Variants in STK31 observed in about 807,000 individuals in gnomAD.
STK31 encodes the protein serine/threonine-protein kinase 31.
In STK31, 89 loss-of-function variants were observed where a neutral mutation model predicts 129.7. The ratio of observed to expected loss-of-function variants is 0.69; its 90% CI spans 0.58 to 0.82. STK31 has a LOEUF of 0.82. Ranked by LOEUF, STK31 falls within the 40% of genes least tolerant of loss-of-function variation. The pLI is 0.00. For missense variants in STK31, 1,187 were observed against 1,176.4 expected (o/e 1.01, Z -0.13); for synonymous variants, 448 against 395.3 (o/e 1.13, Z -1.58).
intron 22 of STK31, among the ~76,000 whole-genome samples, chr7:23,795,028 GC>G (rs1791868405): frequency 1.3e-5 from 2 of 152,234 alleles, no homozygotes; most frequent in Non-Finnish European, 2.9e-5. Flanking sequence ...AGAAACTCAA[GC>G]CAGCTGCAGG....
chr7:23,813,418 C>A (rs1183211577), intron 22 of STK31, among the ~76,000 whole-genome samples: 19 of 151,936 alleles, frequency 1.3e-4, no homozygotes, highest in Non-Finnish European at 1.3e-4. Context: ...TTGTGGTTTT[C>A]CTGGTACTTT....
intron 23 of STK31, among the ~76,000 whole-genome samples, chr7:23,824,921 A>C (rs1794032270): frequency 6.6e-6 from 1 of 151,978 alleles, no homozygotes. Context: ...CATATGTTGA[A>C]CCAGCCTTGC....
At chr7:23,823,550 T>A (rs1490234413) in intron 23 of STK31, among the ~76,000 whole-genome samples, 1 of 152,132 alleles carries the variant, frequency 6.6e-6, no homozygotes, top group Non-Finnish European at 1.5e-5. Flanking sequence ...TGTAGGTTGC[T>A]TGTTCACTCT....
intron 8 of STK31, among the ~76,000 whole-genome samples, chr7:23,741,232 C>G (rs1040103807): frequency 6.6e-6 from 1 of 152,096 alleles, no homozygotes; most frequent in Non-Finnish European, 1.5e-5. Flanking sequence ...TACCCTAATC[C>G]TGGAAAAGTT....
intron 3 of STK31, among the ~76,000 whole-genome samples, chr7:23,713,545 C>G (rs1195107273): frequency 6.6e-6 from 1 of 152,164 alleles, no homozygotes; most frequent in Non-Finnish European, 1.5e-5. Context: ...AGTAACACAG[C>G]TTAAAACAAA....
chr7:23,808,982 T>TGTGTGTGTGTGTGTGTGTGTG (rs1230870285), intron 22 of STK31, among the ~76,000 whole-genome samples: 4 of 149,264 alleles, frequency 2.7e-5, no homozygotes, highest in African/African-American at 7.6e-5. Flanking sequence ...CCTGTGTCTG[T>TGTGTGTGTGTGTGTGTGTGTG]TGGCATTTCT....
At chr7:23,814,145 A>ATTTTTTTTTTTTT (rs1793320371) in intron 22 of STK31, among the ~76,000 whole-genome samples, 2 of 19,150 alleles carry the variant, frequency 1.0e-4, no homozygotes, top group Non-Finnish European at 2.0e-4. Flanking sequence ...GATCTGGCTC[A>ATTTTTTTTTTTTT]CTTATTTTTT....
intron 8 of STK31, among the ~76,000 whole-genome samples, chr7:23,745,881 G>A (rs1584372716): frequency 6.6e-6 from 1 of 152,326 alleles, no homozygotes; most frequent in African/African-American, 2.4e-5. Flanking sequence ...TTTTGATTCT[G>A]TGGCAGCAGC....
chr7:23,798,213 C>G (rs1792121401), intron 22 of STK31, among the ~76,000 whole-genome samples: 1 of 152,262 alleles, frequency 6.6e-6, no homozygotes, highest in Admixed American at 6.5e-5. Flanking sequence ...CTGTTCCAAA[C>G]AGTAGAAAAA....
intron 8 of STK31, among the ~76,000 whole-genome samples, chr7:23,749,993 T>C (rs971575000): frequency 6.6e-6 from 1 of 151,048 alleles, no homozygotes; most frequent in African/African-American, 2.4e-5. Flanking sequence ...TAGGCTCTGC[T>C]TAACTGGTTT....
upstream of STK31, chr7:23,710,216 C>G (rs1016351859): frequency 1.2e-6 from 2 of 1,610,424 alleles, no homozygotes; most frequent in Admixed American, 1.7e-5. Flanking sequence ...GTGTGGGGCC[C>G]TTGCGGTCGA....
chr7:23,797,987 C>G (rs535420756), intron 22 of STK31, among the ~76,000 whole-genome samples: 1 of 152,288 alleles, frequency 6.6e-6, no homozygotes, highest in South Asian at 2.1e-4. Flanking sequence ...TGCAAATCAA[C>G]TAGAAAATCT....
intron 16 of STK31, among the ~76,000 whole-genome samples, chr7:23,782,499 A>AGT (rs1791000359): frequency 6.8e-6 from 1 of 147,710 alleles, no homozygotes; most frequent in African/African-American, 2.5e-5. Flanking sequence ...AAAAGAAAAG[A>AGT]AAAGAAAGTA....
At chr7:23,772,417 T>G in intron 15 of STK31, 139 bp downstream of exon 15, 2 of 833,082 alleles carry the variant, frequency 2.4e-6, no homozygotes, top group Non-Finnish European at 3.5e-6. Flanking sequence ...ATACTTTATC[T>G]TGTTTTCTGT....
chr7:23,768,283 G>A (rs574044052), intron 11 of STK31, among the ~76,000 whole-genome samples: 4 of 152,164 alleles, frequency 2.6e-5, no homozygotes, highest in African/African-American at 9.6e-5. Flanking sequence ...ATGTAGTTTG[G>A]TTGTGTAGTA....
At chr7:23,776,563 G>C (rs955373708) in intron 15 of STK31, among the ~76,000 whole-genome samples, 2 of 152,194 alleles carry the variant, frequency 1.3e-5, no homozygotes, top group Non-Finnish European at 2.9e-5. Context: ...TCTTGGGAGG[G>C]TGTATGTGTC....
chr7:23,717,360 G>A lies in STK31; in HGVS notation c.151-121G>A, dbSNP rs551041489. On this transcript the variant is annotated intron_variant, in intron 3 of 23. Transcript: ENST00000355870. The stretch of plus-strand genomic sequence containing the variant: ...AAATTATGAAAAAATACAGGCATAA[G>A]AAGTTGATTTAATTTCTAATGGCCT... 3 of 551,718 alleles carry A rather than the reference G, an allele frequency of 5.4e-6. No homozygotes were observed. In the African/African-American group the frequency reaches 5.9e-5, roughly 11 times the overall value. 34.2% of individuals were successfully genotyped at this position (551,718 alleles called of 1,614,324 possible). A position where few individuals can be genotyped will look rare whatever the true frequency, so the allele number is the denominator to read the frequency against.
intron 21 of STK31, among the ~76,000 whole-genome samples, 183 bp downstream of exon 21, chr7:23,788,312 A>AG (rs141186262): frequency 0.014 from 2,153 of 152,244 alleles, 41 homozygotes; most frequent in African/African-American, 0.049. Flanking sequence ...AGTATTGTGT[A>AG]TTTTAACCAT....
At position 23,754,361 on chromosome 7, in the gene STK31, A is replaced by G. The variant is rs200445309; in HGVS notation, c.1180A>G (p.Ile394Val). The G allele has an allele frequency of 2.0e-4, 329 of 1,614,078 alleles. No homozygotes were observed. Among genetic ancestry groups the G allele is most frequent in the Non-Finnish European group, 2.1e-4 (244 of 1,179,976 alleles). The change falls in exon 10 of 24, where the codon ATA becomes GTA. Residue 394 changes from isoleucine (I) to valine (V), a missense_variant. Around this residue, in one of 5 missense-constraint regions of STK31, gnomAD observed 975 missense variants for 934.9 expected, o/e 1.04. Coordinates refer to ENST00000355870, the MANE Select transcript of STK31 (RefSeq NM_031414.5). Reference sequence around the variant, plus strand: ...TTTCGGAAAAGACCTTTCAGATGCTATACAAGTGTTGGATGAAGGGTGCTT... The same window carrying G: ...TTTCGGAAAAGACCTTTCAGATGCTGTACAAGTGTTGGATGAAGGGTGCTT... Reference protein sequence around the residue: ...VRFGKDLSDAIQVLDEGCFTT... With the variant: ...VRFGKDLSDAVQVLDEGCFTT...
Sources: allele counts gnomAD v4.1 joint callset (sites outside exome capture counted in the v4.1 genomes callset), GRCh38; gene constraint gnomAD v4.1.1; regional missense constraint gnomAD v4.1.1; transcripts MANE v1.5; gene names NCBI Gene and HGNC (gene_info 2026-07-23, HGNC 2026-07-21).